Variants in GALNT17 observed in about 807,000 individuals in gnomAD.
The protein encoded by GALNT17 is polypeptide N-acetylgalactosaminyltransferase 17.
A neutral mutation model predicts 63.7 loss-of-function variants in GALNT17; 29 were observed. The ratio of observed to expected loss-of-function variants is 0.46; its 90% CI spans 0.34 to 0.62. The LOEUF (loss-of-function observed/expected upper bound fraction) is 0.62, where lower values mean the gene tolerates loss of function less well. GALNT17 is among the 20% of genes least tolerant of loss of function. The pLI is 0.01. For synonymous variants in GALNT17, 305 were observed against 318.3 expected (o/e 0.96, Z 0.45); for missense variants, 603 against 799.6 (o/e 0.75, Z 2.97).
intron 1 of GALNT17, among the ~76,000 whole-genome samples, chr7:71,196,808 GAT>G (rs1789058187): frequency 6.6e-6 from 1 of 151,190 alleles, no homozygotes; most frequent in Non-Finnish European, 1.5e-5. Context: ...TGCGCGCAAT[GAT>G]GCCTGGCTAA....
chr7:71,328,974 G>T (rs1279023734), intron 1 of GALNT17, among the ~76,000 whole-genome samples: 1 of 152,132 alleles, frequency 6.6e-6, no homozygotes, highest in African/African-American at 2.4e-5. Flanking sequence ...CTGCCCAGGG[G>T]GTTGTGCTAG....
At chr7:71,520,490 T>C (rs752193778) in intron 5 of GALNT17, among the ~76,000 whole-genome samples, 7 of 151,276 alleles carry the variant, frequency 4.6e-5, no homozygotes, top group African/African-American at 7.3e-5. Context: ...GCCACTGCAC[T>C]CCAGCCTGGG....
chr7:71,367,126 A>G (rs1185428711), intron 2 of GALNT17, among the ~76,000 whole-genome samples: 1 of 152,230 alleles, frequency 6.6e-6, no homozygotes. Context: ...TTGATCAATA[A>G]AAAACATTCC....
chr7:71,541,774 G>A (rs1282330073), intron 5 of GALNT17, among the ~76,000 whole-genome samples: 2 of 152,074 alleles, frequency 1.3e-5, no homozygotes, highest in Non-Finnish European at 2.9e-5. Flanking sequence ...CAGAGAACCC[G>A]ATGCAATCAA....
At chr7:71,667,940 C>T (rs1791009425) in intron 7 of GALNT17, among the ~76,000 whole-genome samples, 2 of 152,126 alleles carry the variant, frequency 1.3e-5, no homozygotes, top group Admixed American at 1.3e-4. Flanking sequence ...GCTGGGACCA[C>T]AGGCTTGCGC....
chr7:71,310,441 G>C (rs1360977187), intron 1 of GALNT17, among the ~76,000 whole-genome samples: 1 of 152,202 alleles, frequency 6.6e-6, no homozygotes, highest in Non-Finnish European at 1.5e-5. Context: ...AGCACTGTCT[G>C]AGATCATGAG....
chr7:71,605,783 G>T (rs1173960812), intron 6 of GALNT17, among the ~76,000 whole-genome samples: 1 of 152,166 alleles, frequency 6.6e-6, no homozygotes, highest in East Asian at 1.9e-4. Flanking sequence ...GAATACATAG[G>T]AAACAGAAAT....
rs199725425 is a variant in GALNT17 at position 71,265,118 on chromosome 7, A to T, written c.239-70432A>T. Among the ~76,000 whole-genome samples the T allele has an allele frequency of 9.5e-3, 356 of 37,392 alleles. 24 individuals carry two copies. Among genetic ancestry groups the T allele is most frequent in the Middle Eastern group, 0.022 (1 of 46 alleles). The allele number at this position is 37,392 out of a possible 152,430, so 24.5% of individuals were successfully genotyped here. ...AAATATTATATATATATATATATAT[A>T]TTTTTTTTTTTTTTTTTTTTTTTTT... On this transcript the variant is annotated intron_variant, in intron 1 of 10. Coordinates refer to ENST00000333538, the MANE Select transcript of GALNT17 (RefSeq NM_022479.3).
intron 5 of GALNT17, among the ~76,000 whole-genome samples, chr7:71,499,738 C>T (rs946526617): frequency 1.3e-5 from 2 of 152,198 alleles, no homozygotes; most frequent in Non-Finnish European, 2.9e-5. Flanking sequence ...AATCCACATT[C>T]TTCCTCCATC....
At chr7:71,500,848 C>T (rs1470455999) in intron 5 of GALNT17, among the ~76,000 whole-genome samples, 1 of 152,150 alleles carries the variant, frequency 6.6e-6, no homozygotes, top group Non-Finnish European at 1.5e-5. Context: ...CGTAGTTTAG[C>T]CACTCCTCCA....
chr7:71,364,230 T>C (rs1242326229), intron 2 of GALNT17, among the ~76,000 whole-genome samples: 2 of 152,166 alleles, frequency 1.3e-5, no homozygotes, highest in African/African-American at 4.8e-5. Flanking sequence ...TTAACAGTAG[T>C]TAGTGGCAGG....
rs183214671 is a variant in GALNT17 at position 71,397,266 on chromosome 7, A to G, written c.589+8865A>G. Among the ~76,000 whole-genome samples, 45 of 152,350 alleles carry G rather than the reference A, an allele frequency of 3.0e-4. 4 individuals carry two copies. The highest frequency in any genetic ancestry group is 2.7e-3 in the East Asian group (14 of 5,186). On this transcript the variant is annotated intron_variant, in intron 3 of 10. Transcript: ENST00000333538. ...AGACGGCTAAGTCATGAGTGAGCTC[A>G]GTAAACATGGGACTCACCATAGTGG...
intron 2 of GALNT17, among the ~76,000 whole-genome samples, chr7:71,365,034 G>A (rs1272906930): frequency 1.3e-5 from 2 of 150,774 alleles, no homozygotes; most frequent in East Asian, 2.0e-4. Flanking sequence ...GGGTTCAAGC[G>A]GTTCTCCTGC....
intron 1 of GALNT17, among the ~76,000 whole-genome samples, chr7:71,310,669 G>A (rs1791399491): frequency 6.6e-6 from 1 of 152,196 alleles, no homozygotes; most frequent in African/African-American, 2.4e-5. Flanking sequence ...ATCTCAAGCA[G>A]GGTGGATAGA....
intron 1 of GALNT17, chr7:71,284,299 C>T (rs148452722): frequency 0.011 from 1,740 of 154,090 alleles, 17 homozygotes; most frequent in Middle Eastern, 0.027. Context: ...TGGGTTCAAA[C>T]GATTCTCCTG....
intron 2 of GALNT17, among the ~76,000 whole-genome samples, chr7:71,373,671 G>A (rs1000470842): frequency 3.9e-5 from 6 of 152,162 alleles, no homozygotes; most frequent in African/African-American, 1.4e-4. Context: ...TGCATACGAG[G>A]GATCTATTTC....
intron 6 of GALNT17, among the ~76,000 whole-genome samples, chr7:71,613,792 A>AC (rs1790159542): frequency 7.6e-6 from 1 of 132,424 alleles, no homozygotes; most frequent in Non-Finnish European, 1.6e-5. Flanking sequence ...CATCTCTATG[A>AC]TTTTTTTTTT....
chr7:71,309,921 G>A (rs1791385299), intron 1 of GALNT17, among the ~76,000 whole-genome samples: 1 of 152,164 alleles, frequency 6.6e-6, no homozygotes, highest in South Asian at 2.1e-4. Context: ...CGTGTTGTGG[G>A]AGGGACTTGG....
chr7:71,305,595 C>T (rs926810778), intron 1 of GALNT17, among the ~76,000 whole-genome samples: 1 of 152,136 alleles, frequency 6.6e-6, no homozygotes, highest in Non-Finnish European at 1.5e-5. Context: ...CCTCCCCAGA[C>T]TGTGAGTTTG....
Sources: gnomAD v4.1 joint callset for allele counts (sites outside exome capture counted in the v4.1 genomes callset) on GRCh38, gnomAD v4.1.1 for gene constraint, MANE v1.5 for transcripts, NCBI Gene and HGNC (gene_info 2026-07-23, HGNC 2026-07-21) for gene names.